Variants in VEZF1 observed in about 807,000 individuals in gnomAD.
VEZF1 encodes vascular endothelial zinc finger 1, also known as putative transcription factor DB1.
VEZF1 carries 5 observed loss-of-function variants against 44.1 expected under a neutral mutation model. The ratio of observed to expected loss-of-function variants is 0.11; its 90% CI spans 0.06 to 0.24. The LOEUF (loss-of-function observed/expected upper bound fraction) is 0.24. Ranked by LOEUF, VEZF1 falls within the 10% of genes least tolerant of loss-of-function variation. The probability of loss-of-function intolerance (pLI) is 1.00; values close to 1 mark genes in which losing one functional copy is unlikely to be tolerated. For missense variants in VEZF1, 358 were observed against 641.8 expected (o/e 0.56, Z 4.78); for synonymous variants, 236 against 233.1 (o/e 1.01, Z -0.11).
At chr17:57,976,724 C>T (rs530928117) in intron 5 of VEZF1, among the ~76,000 whole-genome samples, 2 of 152,148 alleles carry the variant, frequency 1.3e-5, no homozygotes, top group African/African-American at 4.8e-5. Context: ...AATACAATAA[C>T]ATTTTGTTTC....
intron 1 of VEZF1, among the ~76,000 whole-genome samples, chr17:57,986,886 G>A (rs2075298926): frequency 6.6e-6 from 1 of 152,180 alleles, no homozygotes; most frequent in Admixed American, 6.5e-5. Flanking sequence ...TCAGAGAGGC[G>A]GGAAGAACGC....
In VEZF1 at chr17:57,979,837, G is replaced by C. The variant is rs373316256; in HGVS notation, c.977-524C>G. Among the ~76,000 whole-genome samples the C allele has an allele frequency of 3.9e-5, 6 of 152,066 alleles. No individual in the cohort carries two copies. The South Asian group carries it at 6.2e-4, about 16-fold the overall frequency. On this transcript the variant is annotated intron_variant, in intron 4 of 5. Transcript: ENST00000581208. The stretch of plus-strand genomic sequence containing the variant: ...GTAGCAAAGGTAATCGGGCATGGCA[G>C]TGTGCACCTGTAATCCCAGTTACTT...
At position 57,985,170 on chromosome 17, in the gene VEZF1, G is replaced by A. The variant is rs781132892; in HGVS notation, c.34-1777C>T. On this transcript the variant is annotated intron_variant, in intron 1 of 5. Coordinates refer to ENST00000581208, the MANE Select transcript of VEZF1 (RefSeq NM_007146.3). ...AGATAATAGGGAATGCAGATCTTCTGGACAAAGTTCAGACTTATAGCATTT... is the reference window on the plus strand; with the variant it reads ...AGATAATAGGGAATGCAGATCTTCTAGACAAAGTTCAGACTTATAGCATTT... 19 of 878,914 alleles carry A rather than the reference G, an allele frequency of 2.2e-5. No individual in the cohort carries two copies. The Admixed American group carries it at 5.2e-4, about 24-fold the overall frequency. 54.4% of individuals were successfully genotyped at this position (878,914 alleles called of 1,614,324 possible).
Position 57,974,502 on chromosome 17 carries a change from G to C in VEZF1, c.1537C>G (p.Gln513Glu). ...RPVESMPFLP[Q>E]ALPTSPPW ...CAAGGCGGTGATGTAGGCAAAGCTT[G>C]GGGCAAGAAAGGCATGCTCTCTACA... Residue 513 changes from glutamine to glutamate, a missense_variant, in exon 6 of 6, where the codon CAA (glutamine) becomes GAA (glutamate). Transcript: ENST00000581208. 1 of 1,613,830 alleles carries C rather than the reference G, an allele frequency of 6.2e-7. No homozygotes were observed. The highest frequency in any genetic ancestry group is 8.5e-7 in the Non-Finnish European group (1 of 1,179,754).
At chr17:57,978,806 GA>G (rs924619285) in intron 5 of VEZF1, among the ~76,000 whole-genome samples, 3 of 148,532 alleles carry the variant, frequency 2.0e-5, no homozygotes, top group Admixed American at 6.7e-5. Flanking sequence ...TTTTAGAAAG[GA>G]AAAAAAAAGC....
intron 3 of VEZF1, 80 bp from the exon 4 acceptor site, chr17:57,980,866 T>C (rs1321972587): frequency 2.7e-5 from 37 of 1,385,796 alleles, no homozygotes; most frequent in Non-Finnish European, 3.7e-5. Context: ...TTCTGTGCAT[T>C]ACCCTATCCA....
intron 2 of VEZF1, 67 bp from the exon 3 acceptor site, chr17:57,982,003 C>CA: frequency 2.0e-6 from 3 of 1,527,038 alleles, no homozygotes; most frequent in Non-Finnish European, 2.7e-6. Context: ...TTATGTGATG[C>CA]TCACATGCTT....
intron 5 of VEZF1, among the ~76,000 whole-genome samples, chr17:57,978,135 G>A (rs899042329): frequency 1.3e-5 from 2 of 151,910 alleles, no homozygotes; most frequent in Admixed American, 6.6e-5. Context: ...CCCAGGAGGC[G>A]GAGGCTGCAG....
chr17:57,978,365 G>A (rs961836274), intron 5 of VEZF1, among the ~76,000 whole-genome samples: 1 of 152,196 alleles, frequency 6.6e-6, no homozygotes, highest in African/African-American at 2.4e-5. Context: ...ACATTGTAGA[G>A]GTGGAGGAGG....
At position 57,974,513 on chromosome 17, in the gene VEZF1, G is replaced by A. The variant is rs1383304136; in HGVS notation, c.1526C>T (p.Pro509Leu). 6.2e-7 allele frequency: 1 copy of A among 1,614,126 alleles called. No individual in the cohort carries two copies. The highest frequency in any genetic ancestry group is 8.5e-7 in the Non-Finnish European group (1 of 1,179,996). ...NIAMRPVESM[P>L]FLPQALPTSP... ...TGTAGGCAAAGCTTGGGGCAAGAAA[G>A]GCATGCTCTCTACAGGTCTCATTGC... Residue 509 changes from proline (P) to leucine (L), a missense_variant, in exon 6 of 6, where the codon CCT (proline) becomes CTT (leucine). By Grantham distance (98) the Pro-to-Leu change is moderately conservative. This residue lies in a region of VEZF1 where 171 missense variants were observed against 272.4 expected (regional missense o/e 0.63). Coordinates refer to ENST00000581208, the MANE Select transcript of VEZF1 (RefSeq NM_007146.3).
Position 57,981,622 on chromosome 17 carries a change from A to G in VEZF1, c.792+251T>C, listed in dbSNP as rs377240409. On this transcript the variant is annotated intron_variant, in intron 3 of 5. Coordinates refer to ENST00000581208, the MANE Select transcript of VEZF1 (RefSeq NM_007146.3). ...AAGACTGTAACTTTTTTTTCCTAAC[A>G]AAAAATACTATTGCCCAAAGAAAGG... 2.4e-4 allele frequency among the ~76,000 whole-genome samples: 37 copies of G among 152,198 alleles called. 2 individuals are homozygous for G. Among genetic ancestry groups the G allele is most frequent in the Admixed American group, 1.8e-3 (27 of 15,276 alleles).
intron 1 of VEZF1, among the ~76,000 whole-genome samples, chr17:57,987,542 G>A (rs1254837714): frequency 1.3e-5 from 2 of 152,158 alleles, no homozygotes; most frequent in Non-Finnish European, 2.9e-5. Flanking sequence ...GGACACGGGA[G>A]GGGGTCAGAA....
At chr17:57,978,653 A>T (rs2075215818) in intron 5 of VEZF1, among the ~76,000 whole-genome samples, 1 of 152,228 alleles carries the variant, frequency 6.6e-6, no homozygotes, top group South Asian at 2.1e-4. Context: ...GGTGTGACCA[A>T]GAGAAAAGAC....
chr17:57,980,841 T>C, intron 3 of VEZF1, 55 bp from the exon 4 acceptor site: 2 of 1,569,708 alleles, frequency 1.3e-6, no homozygotes, highest in Non-Finnish European at 1.7e-6. Context: ...TCTACTCATT[T>C]TGAAGTACGT....
chr17:57,981,764 A>G, intron 3 of VEZF1, 109 bp downstream of exon 3: 4 of 944,704 alleles, frequency 4.2e-6, no homozygotes, highest in Non-Finnish European at 6.4e-6. Flanking sequence ...ACATTTACTC[A>G]GGTCAGTGAT....
At chr17:57,979,431 A>C in intron 4 of VEZF1, 118 bp from the exon 5 acceptor site, 1 of 1,461,642 alleles carries the variant, frequency 6.8e-7, no homozygotes, top group Non-Finnish European at 9.1e-7. Flanking sequence ...AGCTCTTAGT[A>C]AGTGCATCTT....
intron 1 of VEZF1, 37 bp from the exon 2 acceptor site, chr17:57,983,430 C>T: frequency 6.5e-7 from 1 of 1,537,404 alleles, no homozygotes; most frequent in Non-Finnish European, 8.7e-7. Context: ...AACTCAGCCT[C>T]TCACAATGGC....
At chr17:57,987,789 T>A (rs2075312822) in intron 1 of VEZF1, among the ~76,000 whole-genome samples, 1 of 151,586 alleles carries the variant, frequency 6.6e-6, no homozygotes, top group Non-Finnish European at 1.5e-5. Flanking sequence ...CCCTTCCCCT[T>A]CAGAGCGAGA....
chr17:57,980,177 G>A (rs1188298694), intron 4 of VEZF1, among the ~76,000 whole-genome samples: 1 of 152,108 alleles, frequency 6.6e-6, no homozygotes, highest in East Asian at 1.9e-4. Context: ...ACTGCATAAA[G>A]TACATATATA....
Sources: gnomAD v4.1 joint callset for allele counts (sites outside exome capture counted in the v4.1 genomes callset) on GRCh38, gnomAD v4.1.1 for gene constraint, gnomAD v4.1.1 regional missense constraint, MANE v1.5 for transcripts, NCBI Gene and HGNC (gene_info 2026-07-23, HGNC 2026-07-21) for gene names.